PRKN: variants seen among roughly 807,000 people sequenced by gnomAD.
PRKN encodes E3 ubiquitin-protein ligase parkin.
PRKN carries 56 observed loss-of-function variants against 59.5 expected under a neutral mutation model. That is an observed-to-expected ratio of 0.94 (90% CI 0.76 to 1.18). The LOEUF (loss-of-function observed/expected upper bound fraction) is 1.18. PRKN is among the 50% of genes most tolerant of loss of function. PRKN has a pLI of 0.00. For missense variants in PRKN, 657 were observed against 596.4 expected, an observed-to-expected ratio of 1.10 and a Z score of -1.06; for synonymous variants, 250 against 222.1, an observed-to-expected ratio of 1.13 and a Z score of -1.12.
At chr6:161,748,601 G>A (rs932589152) in intron 7 of PRKN, among the ~76,000 whole-genome samples, 16 of 152,144 alleles carry the variant, frequency 1.1e-4, no homozygotes, top group African/African-American at 3.9e-4. Flanking sequence ...AAGTAACACT[G>A]GCTTTCTCAT....
intron 5 of PRKN, among the ~76,000 whole-genome samples, chr6:162,039,156 AC>A (rs10545847): frequency 0.01 from 1,129 of 108,222 alleles, 20 homozygotes; most frequent in African/African-American, 0.05. Context: ...ACTCCATCTC[AC>A]AAAAAAAAAA....
chr6:162,288,542 G>C (rs113423098), intron 2 of PRKN, among the ~76,000 whole-genome samples: 37 of 152,244 alleles, frequency 2.4e-4, no homozygotes, highest in African/African-American at 8.9e-4. Context: ...GAGACATGAA[G>C]TGACAGAGAC....
At chr6:162,302,454 A>T (rs1782004183) in intron 2 of PRKN, among the ~76,000 whole-genome samples, 1 of 152,140 alleles carries the variant, frequency 6.6e-6, no homozygotes, top group African/African-American at 2.4e-5. Flanking sequence ...GAGAAATTCA[A>T]CAAGAAACAG....
chr6:161,622,351 C>T (rs1011791321), intron 7 of PRKN, among the ~76,000 whole-genome samples: 6 of 152,210 alleles, frequency 3.9e-5, no homozygotes, highest in African/African-American at 9.7e-5. Context: ...TGGTAGGCTC[C>T]GTTTGCTCAG....
chr6:162,358,943 C>T (rs1244135050), intron 2 of PRKN, among the ~76,000 whole-genome samples: 1 of 150,520 alleles, frequency 6.6e-6, no homozygotes, highest in African/African-American at 2.4e-5. Context: ...GCCTGCAATC[C>T]CAGATACTGA....
chr6:161,857,778 A>C (rs1793716231), intron 6 of PRKN, among the ~76,000 whole-genome samples: 1 of 152,238 alleles, frequency 6.6e-6, no homozygotes, highest in Admixed American at 6.5e-5. Context: ...CAGTCATCCA[A>C]GTGTGACTTC....
intron 7 of PRKN, among the ~76,000 whole-genome samples, chr6:161,780,397 C>T (rs1002849564): frequency 6.6e-6 from 1 of 152,052 alleles, no homozygotes; most frequent in African/African-American, 2.4e-5. Context: ...CATCTCATAC[C>T]CTAGCCTGTA....
At chr6:161,807,718 G>A (rs185902294) in intron 6 of PRKN, among the ~76,000 whole-genome samples, 49 of 152,256 alleles carry the variant, frequency 3.2e-4, no homozygotes, top group Middle Eastern at 3.4e-3. Context: ...GCCTCTGTAC[G>A]TCTTCCCTCT....
At chr6:161,524,527 T>C (rs1778950501) in intron 9 of PRKN, among the ~76,000 whole-genome samples, 1 of 152,012 alleles carries the variant, frequency 6.6e-6, no homozygotes, top group African/African-American at 2.4e-5. Context: ...TTTTAGTATA[T>C]TTGGTAGAAA....
In PRKN at chr6:162,432,834, G is replaced by A. The variant is rs11965961; in HGVS notation, c.171+10476C>T. ...AATCTGAAATTACTTCATGCCCCTT[G>A]TTAAACAGATTTTGAATGGTAAGTA... On this transcript the variant is annotated intron_variant, in intron 2 of 11. Coordinates refer to ENST00000366898, the MANE Select transcript of PRKN (RefSeq NM_004562.3). Among the ~76,000 whole-genome samples, 423 of 152,228 alleles carry A rather than the reference G, an allele frequency of 2.8e-3. 1 individual carries two copies. Among genetic ancestry groups the A allele is most frequent in the African/African-American group, 9.7e-3 (405 of 41,548 alleles).
intron 3 of PRKN, among the ~76,000 whole-genome samples, chr6:162,233,674 C>T (rs373791105): frequency 3.2e-4 from 48 of 152,302 alleles, no homozygotes; most frequent in African/African-American, 9.4e-4. Context: ...AAATACTGGA[C>T]GTGTCCGCCA....
intron 6 of PRKN, among the ~76,000 whole-genome samples, chr6:161,919,363 G>A (rs900831621): frequency 6.6e-6 from 1 of 152,176 alleles, no homozygotes; most frequent in African/African-American, 2.4e-5. Context: ...GTGGGAGTGA[G>A]GATGGCTCAA....
At chr6:162,327,818 C>A (rs544606019) in intron 2 of PRKN, among the ~76,000 whole-genome samples, 1 of 152,250 alleles carries the variant, frequency 6.6e-6, no homozygotes, top group South Asian at 2.1e-4. Flanking sequence ...AGCTCATGGT[C>A]TCCAAGGTCT....
intron 7 of PRKN, among the ~76,000 whole-genome samples, chr6:161,751,065 G>A (rs968831702): frequency 1.3e-5 from 2 of 152,102 alleles, no homozygotes; most frequent in African/African-American, 4.8e-5. Context: ...TTGGTGATGA[G>A]CCATTAATAT....
At chr6:162,592,773 CAA>C (rs776365843) in intron 1 of PRKN, among the ~76,000 whole-genome samples, 2 of 149,286 alleles carry the variant, frequency 1.3e-5, no homozygotes, top group African/African-American at 4.9e-5. Context: ...TCAGAAGGAT[CAA>C]AAGAGTGGGA....
At chr6:162,296,571 C>T (rs918256162) in intron 2 of PRKN, among the ~76,000 whole-genome samples, 6 of 152,118 alleles carry the variant, frequency 3.9e-5, no homozygotes, top group African/African-American at 1.4e-4. Flanking sequence ...CCACAACTAT[C>T]TATCCATTCT....
intron 7 of PRKN, among the ~76,000 whole-genome samples, chr6:161,782,445 A>C (rs1790245582): frequency 6.6e-6 from 1 of 152,126 alleles, no homozygotes; most frequent in Admixed American, 6.5e-5. Flanking sequence ...GGGAGAGAAA[A>C]GGAATATTAT....
chr6:161,351,995 T>G (rs1784569159), intron 11 of PRKN, among the ~76,000 whole-genome samples: 1 of 152,192 alleles, frequency 6.6e-6, no homozygotes, highest in Non-Finnish European at 1.5e-5. Context: ...ACAGCCCTGC[T>G]TCAGTCGCTG....
At chr6:161,500,226 C>T (rs1187265708) in intron 9 of PRKN, among the ~76,000 whole-genome samples, 1 of 152,140 alleles carries the variant, frequency 6.6e-6, no homozygotes, top group Admixed American at 6.5e-5. Flanking sequence ...TCCCCTCTCC[C>T]CTATACATGC....
Sources: gnomAD v4.1 joint callset for allele counts (sites outside exome capture counted in the v4.1 genomes callset) on GRCh38, gnomAD v4.1.1 for gene constraint, MANE v1.5 for transcripts, NCBI Gene and HGNC (gene_info 2026-07-23, HGNC 2026-07-21) for gene names.